The following PBX3 variants were observed in gnomAD, a reference collection of about 807,000 sequenced individuals.
The protein encoded by PBX3 is PBX homeobox 3.
A neutral mutation model predicts 48.5 loss-of-function variants in PBX3; 14 were observed. That is an observed-to-expected ratio of 0.29 (90% CI 0.19 to 0.45). PBX3 has a LOEUF of 0.45. Among genes scored for constraint, PBX3 ranks in the 20% least tolerant of loss-of-function variants. The probability of loss-of-function intolerance (pLI) is 1.00; values close to 1 mark genes in which losing one functional copy is unlikely to be tolerated. For synonymous variants in PBX3, 210 were observed against 200.3 expected (o/e 1.05, Z -0.41); for missense variants, 386 against 546.7 (o/e 0.71, Z 2.93).
chr9:125,808,711 T>C (rs1252529676), intron 2 of PBX3, among the ~76,000 whole-genome samples: 4 of 152,162 alleles, frequency 2.6e-5, no homozygotes, highest in African/African-American at 9.7e-5. Flanking sequence ...AATTCAGTGT[T>C]TACAATGGGG....
chr9:125,846,923 C>CT (rs1839440188), intron 2 of PBX3, among the ~76,000 whole-genome samples: 1 of 151,230 alleles, frequency 6.6e-6, no homozygotes, highest in Non-Finnish European at 1.5e-5. Context: ...ACCCTTTGTA[C>CT]TTTTTTGTTG....
intron 2 of PBX3, among the ~76,000 whole-genome samples, chr9:125,878,996 G>T (rs1210080363): frequency 6.7e-6 from 1 of 150,222 alleles, no homozygotes; most frequent in Admixed American, 6.6e-5. Context: ...AATTATTTGT[G>T]TATTTTACAT....
intron 2 of PBX3, among the ~76,000 whole-genome samples, chr9:125,802,738 G>T (rs897948478): frequency 7.3e-5 from 11 of 151,528 alleles, no homozygotes; most frequent in African/African-American, 2.4e-4. Context: ...GGGTGCAGTG[G>T]TGCGATCTCG....
intron 2 of PBX3, among the ~76,000 whole-genome samples, chr9:125,906,757 A>G (rs889416108): frequency 6.6e-6 from 1 of 152,014 alleles, no homozygotes; most frequent in African/African-American, 2.4e-5. Context: ...TACTATAGAT[A>G]TATATCATCA....
intron 2 of PBX3, among the ~76,000 whole-genome samples, chr9:125,771,175 A>G (rs1055471094): frequency 2.6e-5 from 4 of 152,196 alleles, no homozygotes; most frequent in Admixed American, 2.6e-4. Flanking sequence ...TTCATTACTT[A>G]ATCTGAGATT....
At chr9:125,869,226 G>A (rs528838786) in intron 2 of PBX3, among the ~76,000 whole-genome samples, 38 of 152,194 alleles carry the variant, frequency 2.5e-4, no homozygotes, top group South Asian at 6.2e-4. Context: ...AAATTACCTA[G>A]CATACAGTAC....
intron 5 of PBX3, among the ~76,000 whole-genome samples, chr9:125,941,890 G>T (rs559617524): frequency 6.6e-6 from 1 of 152,232 alleles, no homozygotes; most frequent in East Asian, 1.9e-4. Context: ...TTGAATTTGA[G>T]TAACTGGCTG....
chr9:125,873,099 G>A (rs1005610848), intron 2 of PBX3, among the ~76,000 whole-genome samples: 2 of 151,608 alleles, frequency 1.3e-5, no homozygotes, highest in Non-Finnish European at 2.9e-5. Flanking sequence ...TACTCAGCAG[G>A]CTGAGGCAGG....
chr9:125,778,251 C>G (rs1204003643), intron 2 of PBX3, among the ~76,000 whole-genome samples: 1 of 150,040 alleles, frequency 6.7e-6, no homozygotes. Context: ...TGTGAGCCAC[C>G]GTGCCTGGCC....
At chr9:125,872,189 A>T (rs1484288706) in intron 2 of PBX3, among the ~76,000 whole-genome samples, 1 of 152,216 alleles carries the variant, frequency 6.6e-6, no homozygotes, top group African/African-American at 2.4e-5. Flanking sequence ...AAGAAACAAA[A>T]GCAGGGCAAA....
Position 125,922,970 on chromosome 9 carries a change from A to G in PBX3, c.517-6685A>G, listed in dbSNP as rs1052769366. The stretch of plus-strand genomic sequence containing the variant: ...AGTAATGAGCTAAAGTGCACACTAC[A>G]TAAATGAGTTGTTCTAATTAATCAT... On this transcript the variant is annotated intron_variant, in intron 3 of 8. Coordinates refer to ENST00000373489, the MANE Select transcript of PBX3 (RefSeq NM_006195.6). Among the ~76,000 whole-genome samples, 6 of 152,270 alleles carry G rather than the reference A, an allele frequency of 3.9e-5. No homozygotes were observed. The South Asian group carries it at 8.3e-4, about 21-fold the overall frequency.
rs538993712 is a variant in PBX3 at position 125,812,392 on chromosome 9, AAC to A, written c.274+63771_274+63772del. 1.1e-4 allele frequency among the ~76,000 whole-genome samples: 16 copies of A among 152,364 alleles called. No homozygotes were observed. The South Asian group carries it at 2.9e-3, about 28-fold the overall frequency. On this transcript the variant is annotated intron_variant, in intron 2 of 8. Coordinates refer to ENST00000373489, the MANE Select transcript of PBX3 (RefSeq NM_006195.6). ...TTAACCATATTTTCTTCAGATTTTTAACAGTCGTTAGATATTATGGATGTAGT... is the reference window on the plus strand; with the variant it reads ...TTAACCATATTTTCTTCAGATTTTTAAGTCGTTAGATATTATGGATGTAGT...
intron 2 of PBX3, among the ~76,000 whole-genome samples, chr9:125,794,231 G>A (rs547149787): frequency 1.3e-5 from 2 of 152,298 alleles, no homozygotes; most frequent in South Asian, 4.1e-4. Flanking sequence ...ACTCAAAAGT[G>A]TTCTCTGTGG....
At chr9:125,748,072 C>A in intron 1 of PBX3, 1 of 231,222 alleles carries the variant, frequency 4.3e-6, no homozygotes, top group South Asian at 1.5e-4. Context: ...CACCCGGGCC[C>A]GGCGCGGGGC....
At chr9:125,766,230 CTAATTCTTTACAT>C (rs1836797560) in intron 2 of PBX3, among the ~76,000 whole-genome samples, 1 of 152,028 alleles carries the variant, frequency 6.6e-6, no homozygotes, top group African/African-American at 2.4e-5. Context: ...CTATATTCTT[CTAATTCTTTACAT>C]ATAAATTTAT....
At chr9:125,773,200 A>G (rs1178371908) in intron 2 of PBX3, among the ~76,000 whole-genome samples, 1 of 152,208 alleles carries the variant, frequency 6.6e-6, no homozygotes. Context: ...ATGTATTTGT[A>G]ATGGGGTAAT....
At chr9:125,803,992 A>ACTTTGGGGT (rs1166451412) in intron 2 of PBX3, among the ~76,000 whole-genome samples, 2 of 152,122 alleles carry the variant, frequency 1.3e-5, no homozygotes, top group Admixed American at 1.3e-4. Flanking sequence ...AGGCTTTCTG[A>ACTTTGGGGT]CTTTGGGGTC....
At chr9:125,879,923 A>G (rs1840343097) in intron 2 of PBX3, among the ~76,000 whole-genome samples, 2 of 152,238 alleles carry the variant, frequency 1.3e-5, no homozygotes, top group South Asian at 4.1e-4. Context: ...GATGTTTTAT[A>G]TGTTACCTAA....
chr9:125,899,738 A>G (rs138180598), intron 2 of PBX3, among the ~76,000 whole-genome samples: 6 of 151,816 alleles, frequency 4.0e-5, no homozygotes, highest in Admixed American at 2.0e-4. Context: ...CAAACACTTC[A>G]TGTGAAAATA....
Sources: gnomAD v4.1 joint callset for allele counts (sites outside exome capture counted in the v4.1 genomes callset) on GRCh38, gnomAD v4.1.1 for gene constraint, MANE v1.5 for transcripts, NCBI Gene and HGNC (gene_info 2026-07-23, HGNC 2026-07-21) for gene names.